The following ROBO1 variants were observed in gnomAD, a reference collection of about 807,000 sequenced individuals.
The protein encoded by ROBO1 is roundabout guidance receptor 1.
In ROBO1, 149 loss-of-function variants were observed where a neutral mutation model predicts 195.9. The observed-to-expected ratio is 0.76, with a 90% CI of 0.67 to 0.87. ROBO1 has a LOEUF of 0.87. Among genes scored for constraint, ROBO1 ranks in the 40% least tolerant of loss-of-function variants. ROBO1 has a pLI of 0.00. For synonymous variants in ROBO1, 816 were observed against 733.2 expected (o/e 1.11, Z -1.82); for missense variants, 1,933 against 2,068.3 (o/e 0.93, Z 1.27).
intron 2 of ROBO1, among the ~76,000 whole-genome samples, chr3:79,548,526 T>G (rs1942358366): frequency 6.6e-6 from 1 of 152,226 alleles, no homozygotes; most frequent in African/African-American, 2.4e-5. Flanking sequence ...ATAGAACAGT[T>G]GCTTATTATA....
intron 3 of ROBO1, among the ~76,000 whole-genome samples, chr3:79,077,976 C>T (rs747811939): frequency 4.6e-5 from 7 of 151,582 alleles, no homozygotes; most frequent in African/African-American, 9.7e-5. Flanking sequence ...GATGAACTTG[C>T]GTTGTAAATA....
At chr3:79,503,526 T>G (rs1940227350) in intron 2 of ROBO1, among the ~76,000 whole-genome samples, 1 of 152,204 alleles carries the variant, frequency 6.6e-6, no homozygotes, top group East Asian at 1.9e-4. Flanking sequence ...AAATTGATGT[T>G]GTGCACCCTT....
intron 5 of ROBO1, among the ~76,000 whole-genome samples, chr3:78,738,942 A>G (rs577389254): frequency 1.3e-5 from 2 of 152,318 alleles, no homozygotes; most frequent in East Asian, 3.9e-4. Flanking sequence ...CATCATCTAA[A>G]TTATTTTTTC....
At chr3:79,757,995 C>T (rs774558279) in intron 1 of ROBO1, among the ~76,000 whole-genome samples, 8 of 152,198 alleles carry the variant, frequency 5.3e-5, no homozygotes, top group Non-Finnish European at 1.2e-4. Flanking sequence ...CTGAGATTAT[C>T]TGTCTTTGCA....
Position 78,633,932 on chromosome 3 carries a change from T to C in ROBO1, c.3481+3A>G. On this transcript the variant is annotated splice_donor_region_variant and intron_variant, in intron 24 of 30. Coordinates refer to ENST00000464233, the MANE Select transcript of ROBO1 (RefSeq NM_002941.4). ...GAGAAGTTCTTTGGTTCATCTTACT[T>C]ACCAGATGTACTACTGCCCCGGTCT... 1.3e-5 allele frequency: 21 copies of C among 1,589,590 alleles called. No homozygotes were observed. Among genetic ancestry groups the C allele is most frequent in the Non-Finnish European group, 1.8e-5 (21 of 1,162,724 alleles).
intron 4 of ROBO1, among the ~76,000 whole-genome samples, chr3:78,786,778 G>A (rs1346210103): frequency 6.6e-6 from 1 of 152,158 alleles, no homozygotes; most frequent in Non-Finnish European, 1.5e-5. Context: ...TAGCCATATG[G>A]AATTGTTGAG....
chr3:78,801,937 T>C (rs1257702279), intron 4 of ROBO1, among the ~76,000 whole-genome samples: 2 of 152,144 alleles, frequency 1.3e-5, no homozygotes, highest in Non-Finnish European at 2.9e-5. Context: ...TAGTAATCAA[T>C]GTATTTGCTT....
chr3:78,672,711 T>C (rs1235899026), intron 10 of ROBO1, among the ~76,000 whole-genome samples: 1 of 151,630 alleles, frequency 6.6e-6, no homozygotes, highest in Non-Finnish European at 1.5e-5. Context: ...ACTCGTAAAA[T>C]GTTTACACTT....
chr3:78,794,717 G>A (rs1197458322), intron 4 of ROBO1, among the ~76,000 whole-genome samples: 1 of 152,050 alleles, frequency 6.6e-6, no homozygotes, highest in Non-Finnish European at 1.5e-5. Context: ...CGAGTAGCTA[G>A]GACTGCAGGC....
intron 4 of ROBO1, among the ~76,000 whole-genome samples, chr3:78,773,283 CAATT>C (rs2083424036): frequency 6.6e-6 from 1 of 151,908 alleles, no homozygotes; most frequent in South Asian, 2.1e-4. Flanking sequence ...AAATCAGTAT[CAATT>C]AGTTTAATTT....
intron 2 of ROBO1, among the ~76,000 whole-genome samples, chr3:79,534,148 CAAAAAAAAAAAAAAA>C (rs5850434): frequency 1.7e-5 from 1 of 59,948 alleles, no homozygotes; most frequent in African/African-American, 6.3e-5. Context: ...CTGGGGAAGG[CAAAAAAAAAAAAAAA>C]AAAAAAAAAA....
intron 3 of ROBO1, among the ~76,000 whole-genome samples, chr3:79,061,246 G>A (rs905933340): frequency 6.6e-6 from 1 of 152,038 alleles, no homozygotes; most frequent in African/African-American, 2.4e-5. Context: ...GAACTCCCAT[G>A]CACAATTACT....
In ROBO1 at chr3:79,204,872, T is replaced by A. The variant is rs544932287; in HGVS notation, c.89-79333A>T. On this transcript the variant is annotated intron_variant, in intron 2 of 30. Coordinates refer to ENST00000464233, the MANE Select transcript of ROBO1 (RefSeq NM_002941.4). ...GCTTTTTTCTAACTTTGCACATACT[T>A]TTCTTGCGGTTACGTCTTTTTTTGT... is the stretch of plus-strand genomic sequence containing the variant. 4.4e-4 allele frequency among the ~76,000 whole-genome samples: 67 copies of A among 152,296 alleles called. 1 individual carries two copies. The highest frequency in any genetic ancestry group is 1.6e-3 in the African/African-American group (65 of 41,558).
chr3:79,500,487 T>C (rs1940010988), intron 2 of ROBO1, among the ~76,000 whole-genome samples: 1 of 152,174 alleles, frequency 6.6e-6, no homozygotes, highest in Non-Finnish European at 1.5e-5. Flanking sequence ...GTTGTTGATG[T>C]CTTTCTTGTT....
chr3:78,865,088 A>G lies in ROBO1; in HGVS notation c.499+73513T>C, dbSNP rs1460102371. 3.3e-5 allele frequency among the ~76,000 whole-genome samples: 5 copies of G among 152,062 alleles called. No homozygotes were observed. In the South Asian group the frequency reaches 6.2e-4, roughly 19 times the overall value. On this transcript the variant is annotated intron_variant, in intron 4 of 30. Transcript: ENST00000464233. The stretch of plus-strand genomic sequence containing the variant: ...ATTGGACTGGTGATACTACACAACT[A>G]TTTTGCCTGGCTTGTGGGAAACTGT...
At chr3:78,821,650 A>G (rs1381773896) in intron 4 of ROBO1, among the ~76,000 whole-genome samples, 2 of 152,212 alleles carry the variant, frequency 1.3e-5, no homozygotes, top group South Asian at 2.1e-4. Flanking sequence ...ATTGATAATA[A>G]TAACATGCCC....
intron 3 of ROBO1, among the ~76,000 whole-genome samples, chr3:79,003,118 A>G (rs1361180638): frequency 6.6e-6 from 1 of 152,150 alleles, no homozygotes; most frequent in Non-Finnish European, 1.5e-5. Flanking sequence ...TATAGCCTCT[A>G]ATTGTTGGCA....
At chr3:79,662,074 C>T (rs960549263) in intron 1 of ROBO1, among the ~76,000 whole-genome samples, 2 of 152,018 alleles carry the variant, frequency 1.3e-5, no homozygotes, top group Non-Finnish European at 1.5e-5. Context: ...ATGAGTCACT[C>T]ATCCTGAAAG....
chr3:78,947,358 G>C (rs1015766991), intron 3 of ROBO1, among the ~76,000 whole-genome samples: 2 of 152,144 alleles, frequency 1.3e-5, no homozygotes, highest in African/African-American at 2.4e-5. Context: ...TAGAACTCAG[G>C]ATTAAGAAAC....
Sources: gnomAD v4.1 joint callset for allele counts (sites outside exome capture counted in the v4.1 genomes callset) on GRCh38, gnomAD v4.1.1 for gene constraint, MANE v1.5 for transcripts, NCBI Gene and HGNC (gene_info 2026-07-23, HGNC 2026-07-21) for gene names.